The following PARP8 variants were observed in gnomAD, a reference collection of about 807,000 sequenced individuals.
PARP8 encodes protein mono-ADP-ribosyltransferase PARP8.
In PARP8, 51 loss-of-function variants were observed where a neutral mutation model predicts 124.1. The ratio of observed to expected loss-of-function variants is 0.41; its 90% confidence interval spans 0.33 to 0.52. The LOEUF is 0.52. Among genes scored for constraint, PARP8 ranks in the 20% least tolerant of loss-of-function variants. PARP8 has a pLI of 0.21. For synonymous variants in PARP8, 391 were observed against 361.5 expected (o/e 1.08, Z -0.93); for missense variants, 860 against 1,018.9 (o/e 0.84, Z 2.12).
At chr5:50,708,292 T>C (rs1373744326) in intron 2 of PARP8, among the ~76,000 whole-genome samples, 1 of 152,148 alleles carries the variant, frequency 6.6e-6, no homozygotes, top group African/African-American at 2.4e-5. Context: ...GAGAGTATGA[T>C]GCACATCTGT....
In PARP8 at chr5:50,842,344, G is replaced by T; in HGVS notation, c.*276G>T. On this transcript the variant is annotated 3_prime_UTR_variant, in exon 26 of 26. Transcript: ENST00000281631. ...ATACAATAAACAGATTGAAAAAACTGTTTTGTGCTGATATTTTTATACTAA... is the reference window on the plus strand; with the variant it reads ...ATACAATAAACAGATTGAAAAAACTTTTTTGTGCTGATATTTTTATACTAA... The T allele has an allele frequency of 4.1e-6, 1 of 244,214 alleles. No homozygotes were observed. Among genetic ancestry groups the T allele is most frequent in the South Asian group, 6.4e-5 (1 of 15,606 alleles). 15.1% of individuals were successfully genotyped at this position (244,214 alleles called of 1,614,324 possible).
intron 5 of PARP8, among the ~76,000 whole-genome samples, chr5:50,760,878 C>T (rs1760476684): frequency 1.3e-5 from 2 of 152,014 alleles, no homozygotes; most frequent in African/African-American, 4.8e-5. Flanking sequence ...AAAATGAGTG[C>T]AATAGGACCA....
chr5:50,677,642 G>A (rs1026067078), intron 2 of PARP8, among the ~76,000 whole-genome samples: 3 of 152,050 alleles, frequency 2.0e-5, no homozygotes, highest in Non-Finnish European at 4.4e-5. Context: ...TTGCTAGTTT[G>A]ATTTCATATG....
At chr5:50,722,378 C>T (rs1436309896) in intron 2 of PARP8, among the ~76,000 whole-genome samples, 1 of 152,034 alleles carries the variant, frequency 6.6e-6, no homozygotes, top group African/African-American at 2.4e-5. Context: ...TCGGGCACAG[C>T]TATGTTCCAT....
chr5:50,709,018 C>T (rs548017629), intron 2 of PARP8, among the ~76,000 whole-genome samples: 41 of 152,162 alleles, frequency 2.7e-4, no homozygotes, highest in African/African-American at 9.4e-4. Context: ...AACTCCTGGC[C>T]TCAAGCAATC....
intron 9 of PARP8, among the ~76,000 whole-genome samples, chr5:50,781,199 T>A (rs1271201664): frequency 6.6e-6 from 1 of 152,222 alleles, no homozygotes; most frequent in Non-Finnish European, 1.5e-5. Context: ...TGATTTCATC[T>A]TAAATTTAAT....
rs1217994845 is a variant in PARP8, at chr5:50,824,833, G to A, written c.1861-75G>A. ...CTTACTAGATTAGGCATATCGTTTG[G>A]TCTGATTTTCCTTTTGTGAAAACGG... On this transcript the variant is annotated intron_variant, in intron 17 of 25. Transcript: ENST00000281631. 13 of 1,235,494 alleles carry A rather than the reference G, an allele frequency of 1.1e-5. 1 individual carries two copies. In the East Asian group the frequency reaches 2.6e-4, roughly 24 times the overall value. 76.5% of individuals were successfully genotyped at this position (1,235,494 alleles called of 1,614,324 possible).
rs202123953 is a variant in PARP8 at position 50,821,278 on chromosome 5, C to T, written c.1734C>T (p.Phe578=). 22 of 1,570,736 alleles carry T rather than the reference C, an allele frequency of 1.4e-5. No individual in the cohort carries two copies. The highest frequency in any genetic ancestry group is 1.1e-4 in the African/African-American group (8 of 73,504). The change falls in exon 16 of 26, where the codon TTC becomes TTT. Residue 578 remains phenylalanine, a synonymous_variant. Transcript: ENST00000281631. ...AATCTCCTAGAAAAGTTGTGATTTT[C>T]GAGCCATATCCTTCTGTGGTAGATC... ...ALESPRKVVI[F]EPYPSVVDPN...
intron 12 of PARP8, among the ~76,000 whole-genome samples, chr5:50,795,859 C>G (rs1742483232): frequency 6.6e-6 from 1 of 152,206 alleles, no homozygotes; most frequent in Non-Finnish European, 1.5e-5. Flanking sequence ...TAAGAGCACT[C>G]TGCCCATGCA....
intron 2 of PARP8, among the ~76,000 whole-genome samples, chr5:50,690,881 T>G (rs1752423249): frequency 1.3e-5 from 2 of 152,208 alleles, no homozygotes; most frequent in South Asian, 4.1e-4. Context: ...CCATAGTAGT[T>G]CTCTATGCTG....
chr5:50,716,179 C>T (rs555127796), intron 2 of PARP8, among the ~76,000 whole-genome samples: 84 of 152,114 alleles, frequency 5.5e-4, no homozygotes, highest in African/African-American at 1.9e-3. Flanking sequence ...GCTGGTTATT[C>T]CTTACATTAG....
At chr5:50,825,055 A>G in intron 18 of PARP8, 80 bp downstream of exon 18, 2 of 1,199,820 alleles carry the variant, frequency 1.7e-6, no homozygotes. Context: ...CCAAACAAAC[A>G]AAAGTAAACC....
intron 2 of PARP8, among the ~76,000 whole-genome samples, chr5:50,734,497 G>A (rs577248710): frequency 6.6e-6 from 1 of 152,218 alleles, no homozygotes; most frequent in East Asian, 1.9e-4. Flanking sequence ...GTAGGTGAAT[G>A]CTTTGCTGGA....
In PARP8 at chr5:50,822,183, T is replaced by C. The variant is rs143570013; in HGVS notation, c.1795-152T>C. On this transcript the variant is annotated intron_variant, in intron 16 of 25. Coordinates refer to ENST00000281631, the MANE Select transcript of PARP8 (RefSeq NM_024615.4). The stretch of plus-strand genomic sequence containing the variant: ...GTCCTGGAGCCATCTTATTATAGTC[T>C]TCCCTTTTATGTACACCAAACAGTC... 448 of 626,946 alleles carry C rather than the reference T, an allele frequency of 7.1e-4. 3 individuals are homozygous for C. The African/African-American group carries it at 7.3e-3, about 10-fold the overall frequency. 38.8% of individuals were successfully genotyped at this position (626,946 alleles called of 1,614,324 possible).
Position 50,769,358 on chromosome 5 carries a change from G to C in PARP8, c.518+6116G>C, listed in dbSNP as rs191293301. 3.3e-3 allele frequency among the ~76,000 whole-genome samples: 503 copies of C among 151,456 alleles called. 2 individuals carry two copies. The highest frequency in any genetic ancestry group is 5.9e-3 in the Non-Finnish European group (400 of 67,816). On this transcript the variant is annotated intron_variant, in intron 7 of 25. Coordinates refer to ENST00000281631, the MANE Select transcript of PARP8 (RefSeq NM_024615.4). ...TAAGTTCAAAAGAAAAAAAAAAGTT[G>C]TTTCCCTCCCATAAAATTGGCAAAG...
At position 50,788,586 on chromosome 5, in the gene PARP8, A is replaced by G. The variant is rs761796669; in HGVS notation, c.734A>G (p.Lys245Arg). 19 of 1,611,612 alleles carry G rather than the reference A, an allele frequency of 1.2e-5. No homozygotes were observed. The Admixed American group carries it at 2.2e-4, about 18-fold the overall frequency. The change falls in exon 10 of 26, where the codon AAA becomes AGA. Residue 245 changes from lysine (K) to arginine (R), a missense_variant. Physicochemically the swap from Lys to Arg is conservative, Grantham distance 26. Around this residue, in one of 2 missense-constraint regions of PARP8, gnomAD observed 517 missense variants for 544.2 expected, o/e 0.95. Coordinates refer to ENST00000281631, the MANE Select transcript of PARP8 (RefSeq NM_024615.4). ...CGATTTGGATTGGGACATCAGCTGA[A>G]AAAGTAAGTTTGCTAAAGTGCAAAA... is the stretch of plus-strand genomic sequence containing the variant. The part of the protein sequence containing the change: ...KERFGLGHQL[K>R]KIMQTFVTQQ...
intron 2 of PARP8, among the ~76,000 whole-genome samples, chr5:50,686,935 G>A (rs1751931953): frequency 6.6e-6 from 1 of 152,192 alleles, no homozygotes; most frequent in Non-Finnish European, 1.5e-5. Context: ...GATGGGAGGG[G>A]CTGCCGTGAA....
chr5:50,682,103 G>T (rs945365519), intron 2 of PARP8, among the ~76,000 whole-genome samples: 1 of 152,016 alleles, frequency 6.6e-6, no homozygotes, highest in Non-Finnish European at 1.5e-5. Flanking sequence ...TGTAAATATT[G>T]CACATGGGAC....
Position 50,835,242 on chromosome 5 carries a change from C to CT in PARP8, c.2462+228dup, listed in dbSNP as rs1747435631. ...ATGAAAAACACCTGTTAACTTACAA[C>CT]TAAAAAAAACACCATCTTAGTCAAG... is the stretch of plus-strand genomic sequence containing the variant. On this transcript the variant is annotated intron_variant, in intron 25 of 25. Coordinates refer to ENST00000281631, the MANE Select transcript of PARP8 (RefSeq NM_024615.4). Among the ~76,000 whole-genome samples the CT allele has an allele frequency of 9.2e-5, 14 of 152,162 alleles. No individual in the cohort carries two copies. The South Asian group carries it at 2.9e-3, about 32-fold the overall frequency.
Sources: gnomAD v4.1 joint callset for allele counts (sites outside exome capture counted in the v4.1 genomes callset) on GRCh38, gnomAD v4.1.1 for gene constraint, gnomAD v4.1.1 regional missense constraint, MANE v1.5 for transcripts, NCBI Gene and HGNC (gene_info 2026-07-23, HGNC 2026-07-21) for gene names.